TMEM181: variants seen among roughly 807,000 people sequenced by gnomAD.
TMEM181 encodes G protein-coupled receptor 178.
TMEM181 carries 39 observed loss-of-function variants against 71.9 expected under a neutral mutation model. The observed-to-expected ratio is 0.54, with a 90% CI of 0.42 to 0.71. The LOEUF (loss-of-function observed/expected upper bound fraction) is 0.71. TMEM181 is among the 30% of genes least tolerant of loss of function. The pLI, the probability that TMEM181 is intolerant of heterozygous loss-of-function variation, is 0.00. For missense variants in TMEM181, 595 were observed against 583.0 expected (o/e 1.02, Z -0.21); for synonymous variants, 245 against 228.8 (o/e 1.07, Z -0.64).
rs183720615 is a variant in TMEM181 at position 158,573,399 on chromosome 6, A to G, written c.9-21A>G. The G allele has an allele frequency of 1.1e-4, 174 of 1,561,670 alleles. 1 individual carries two copies. In the East Asian group the frequency reaches 4.0e-3, roughly 36 times the overall value. On this transcript the variant is annotated intron_variant, in intron 1 of 16. Coordinates refer to ENST00000684151, the MANE Select transcript of TMEM181 (RefSeq NM_001376852.1). ...CCGGGCCTTCCCCTGACCGTCCCTC[A>G]CTGCTGGCTTCTGCCCCCAGGCTGG...
At chr6:158,630,842 C>T (rs1045104921) in intron 15 of TMEM181, among the ~76,000 whole-genome samples, 1 of 152,174 alleles carries the variant, frequency 6.6e-6, no homozygotes, top group Non-Finnish European at 1.5e-5. Flanking sequence ...CCCCCGACAT[C>T]TTATAGTGGG....
rs577120484 is a variant in TMEM181, at chr6:158,604,351, T to C, written c.493-916T>C. Among the ~76,000 whole-genome samples, 115 of 152,196 alleles carry C rather than the reference T, an allele frequency of 7.6e-4. No individual in the cohort carries two copies. The South Asian group carries it at 0.014, about 18-fold the overall frequency. ...GCGTGCATGCGTGTGTGTGTGTGTG[T>C]GCGTGATGTTTTAGGTAAATCTGTA... On this transcript the variant is annotated intron_variant, in intron 6 of 16. Transcript: ENST00000684151.
chr6:158,581,753 C>CAAAAAAA (rs10626721), intron 3 of TMEM181, among the ~76,000 whole-genome samples: 4 of 62,146 alleles, frequency 6.4e-5, no homozygotes, highest in African/African-American at 6.9e-5. Flanking sequence ...GACTCTGTCT[C>CAAAAAAA]AAAAAAAAAA....
chr6:158,551,786 C>T (rs924412104), intron 1 of TMEM181, among the ~76,000 whole-genome samples: 1 of 151,964 alleles, frequency 6.6e-6, no homozygotes, highest in Admixed American at 6.6e-5. Context: ...GATAACATAT[C>T]CATAAATGTA....
intron 1 of TMEM181, among the ~76,000 whole-genome samples, chr6:158,550,892 G>GAAAAAAA (rs368216274): frequency 1.1e-5 from 1 of 87,104 alleles, no homozygotes; most frequent in Non-Finnish European, 2.2e-5. Flanking sequence ...TCTGTCTCAG[G>GAAAAAAA]AAAAAAAAAA....
In TMEM181 at chr6:158,536,856, G is replaced by A. The variant is rs1781127150; in HGVS notation, c.122G>A (p.Arg41His). 7.0e-7 allele frequency: 1 copy of A among 1,425,350 alleles called. No homozygotes were observed. 88.3% of individuals were successfully genotyped at this position (1,425,350 alleles called of 1,614,324 possible). Residue 41 changes from arginine to histidine, a missense_variant, in exon 1 of 17, where the codon CGC (arginine) becomes CAC (histidine). By Grantham distance (29) the Arg-to-His change is conservative. Transcript: ENST00000367090. ...GACCTCACGCCCTTCAAGGATGACC[G>A]CTACTACAGGTGGGCGCGGCGCGGG...
chr6:158,574,579 C>A (rs1453333492), intron 2 of TMEM181, among the ~76,000 whole-genome samples: 1 of 152,166 alleles, frequency 6.6e-6, no homozygotes, highest in South Asian at 2.1e-4. Flanking sequence ...TTATATCAAA[C>A]CCTCTCCATT....
intron 10 of TMEM181, 123 bp downstream of exon 10, chr6:158,608,873 A>G: frequency 1.1e-6 from 1 of 879,180 alleles, no homozygotes; most frequent in Non-Finnish European, 1.8e-6. Flanking sequence ...TGAGGCAGGC[A>G]AGTCACTTGA....
chr6:158,603,236 C>T (rs748048127), intron 6 of TMEM181, among the ~76,000 whole-genome samples: 27 of 152,224 alleles, frequency 1.8e-4, no homozygotes, highest in Admixed American at 5.9e-4. Context: ...TTTTTGGCAT[C>T]GGGGACTGGT....
intron 3 of TMEM181, among the ~76,000 whole-genome samples, chr6:158,582,229 T>C (rs1418150619): frequency 6.6e-6 from 1 of 152,152 alleles, no homozygotes; most frequent in Non-Finnish European, 1.5e-5. Context: ...TTCCTGATAG[T>C]AGTTCATCTT....
At chr6:158,604,335 C>CGTGTGTGTGT (rs35523450) in intron 6 of TMEM181, among the ~76,000 whole-genome samples, 1 of 151,168 alleles carries the variant, frequency 6.6e-6, no homozygotes, top group African/African-American at 2.4e-5. Flanking sequence ...TGCGTGCATG[C>CGTGTGTGTGT]GTGTGTGTGT....
chr6:158,566,648 G>A (rs1249575963), intron 1 of TMEM181, among the ~76,000 whole-genome samples: 1 of 149,766 alleles, frequency 6.7e-6, no homozygotes, highest in Non-Finnish European at 1.5e-5. Context: ...GCTCATGAGG[G>A]AGGTGATGGG....
intron 6 of TMEM181, among the ~76,000 whole-genome samples, chr6:158,596,801 C>G (rs934734778): frequency 2.3e-4 from 35 of 152,182 alleles, no homozygotes; most frequent in African/African-American, 8.4e-4. Context: ...AAGTGGAAAC[C>G]CTGATAAACC....
In TMEM181 at chr6:158,628,440, A is replaced by G; in HGVS notation, c.1142A>G (p.Gln381Arg). The change falls in exon 14 of 17, where the codon CAA becomes CGA. Residue 381 changes from glutamine (Q) to arginine (R), a missense_variant. Coordinates refer to ENST00000684151, the MANE Select transcript of TMEM181 (RefSeq NM_001376852.1). ...IAILYLRFGA[Q>R]VLQDNFVAEL... The stretch of plus-strand genomic sequence containing the variant: ...ATCCTTTATTTGAGATTTGGGGCGC[A>G]AGTACTACAAGACAATTTTGTAGCA... 1 of 1,614,202 alleles carries G rather than the reference A, an allele frequency of 6.2e-7. No homozygotes were observed. The highest frequency in any genetic ancestry group is 8.5e-7 in the Non-Finnish European group (1 of 1,180,036).
intron 1 of TMEM181, among the ~76,000 whole-genome samples, chr6:158,569,681 A>G (rs1782697560): frequency 6.6e-6 from 1 of 150,658 alleles, no homozygotes; most frequent in Non-Finnish European, 1.5e-5. Context: ...GCTCACTGCA[A>G]CCTCCACCTC....
chr6:158,566,807 T>C (rs1323230947), intron 1 of TMEM181, among the ~76,000 whole-genome samples: 1 of 152,110 alleles, frequency 6.6e-6, no homozygotes. Flanking sequence ...GTTTTCCAGC[T>C]CCTGTCTCAT....
chr6:158,595,432 C>T (rs551872642), intron 6 of TMEM181, among the ~76,000 whole-genome samples: 6 of 152,104 alleles, frequency 3.9e-5, no homozygotes, highest in Admixed American at 1.3e-4. Flanking sequence ...TGCTGGGGAG[C>T]GTGTAAATTG....
chr6:158,542,665 C>T (rs543762956), intron 1 of TMEM181, among the ~76,000 whole-genome samples: 61 of 152,232 alleles, frequency 4.0e-4, no homozygotes, highest in African/African-American at 1.2e-3. Flanking sequence ...AATGCAGTGA[C>T]GTGACCTCGG....
chr6:158,554,630 AC>A (rs1781822788), intron 1 of TMEM181, among the ~76,000 whole-genome samples: 1 of 152,266 alleles, frequency 6.6e-6, no homozygotes, highest in African/African-American at 2.4e-5. Context: ...GTCAGGACTT[AC>A]TATATTTTAT....
Sources: allele counts gnomAD v4.1 joint callset (sites outside exome capture counted in the v4.1 genomes callset), GRCh38; gene constraint gnomAD v4.1.1; transcripts MANE v1.5; gene names NCBI Gene and HGNC (gene_info 2026-07-23, HGNC 2026-07-21).